USP8: variants seen among roughly 807,000 people sequenced by gnomAD.
USP8 encodes ubiquitin specific peptidase 8, also known as ubiquitin carboxyl-terminal hydrolase 8.
A neutral mutation model predicts 130.0 loss-of-function variants in USP8; 27 were observed. The observed-to-expected ratio is 0.21, with a 90% CI of 0.15 to 0.29. The LOEUF (loss-of-function observed/expected upper bound fraction) is 0.29, where lower values mean the gene tolerates loss of function less well. Ranked by LOEUF, USP8 falls within the 10% of genes least tolerant of loss-of-function variation. The pLI, the probability that USP8 is intolerant of heterozygous loss-of-function variation, is 1.00. For synonymous variants in USP8, 392 were observed against 444.1 expected (o/e 0.88, Z 1.48); for missense variants, 1,029 against 1,312.2 (o/e 0.78, Z 3.33).
intron 1 of USP8, among the ~76,000 whole-genome samples, chr15:50,438,439 C>G (rs1313722641): frequency 1.3e-5 from 2 of 152,124 alleles, no homozygotes; most frequent in African/African-American, 2.4e-5. Flanking sequence ...CAAAAACTAG[C>G]TGGGGGCATG....
In USP8 at chr15:50,431,004, A is replaced by G. The variant is rs2049912578; in HGVS notation, c.-66+6490A>G. 2.6e-5 allele frequency among the ~76,000 whole-genome samples: 4 copies of G among 152,348 alleles called. No individual in the cohort carries two copies. The South Asian group carries it at 6.2e-4, about 24-fold the overall frequency. Reference sequence around the variant, plus strand: ...AAACATCCTGCAGTGCACATTGCACAGAGCAGCCTCTCACAACAAATGTTT... The same window carrying G: ...AAACATCCTGCAGTGCACATTGCACGGAGCAGCCTCTCACAACAAATGTTT... On this transcript the variant is annotated intron_variant, in intron 1 of 19. Coordinates refer to ENST00000307179, the MANE Select transcript of USP8 (RefSeq NM_005154.5).
Position 50,509,693 on chromosome 15 carries a change from CG to C in USP8, c.*10606del, listed in dbSNP as rs1156385872. On this transcript the variant is annotated 3_prime_UTR_variant, in exon 20 of 20. Transcript: ENST00000307179. ...ATAAAATAAAAAAGAGACAAGTCAA[CG>C]ATAAAATTAAAAATGAAAAAACATG... The C allele has an allele frequency of 6.6e-6, 1 of 151,816 alleles. No individual in the cohort carries two copies. Among genetic ancestry groups the C allele is most frequent in the Non-Finnish European group, 1.5e-5 (1 of 67,950 alleles). The allele number at this position is 151,816 out of a possible 1,614,324, so 9.4% of individuals were successfully genotyped here.
Position 50,508,739 on chromosome 15 carries a change from T to A in USP8, c.*9651T>A. On this transcript the variant is annotated 3_prime_UTR_variant, in exon 20 of 20. Coordinates refer to ENST00000307179, the MANE Select transcript of USP8 (RefSeq NM_005154.5). The stretch of plus-strand genomic sequence containing the variant: ...TTAGCCTGCCACAGTGGTTCATGCC[T>A]ATAATCCCTGCACTTTGGGAGGCCA... 1 of 152,096 alleles carries A rather than the reference T, an allele frequency of 6.6e-6. No homozygotes were observed. The highest frequency in any genetic ancestry group is 1.5e-5 in the Non-Finnish European group (1 of 68,036). 9.4% of individuals were successfully genotyped at this position (152,096 alleles called of 1,614,324 possible). A position where few individuals can be genotyped will look rare whatever the true frequency, so the allele number is the denominator to read the frequency against.
At chr15:50,455,822 C>T (rs998703250) in intron 4 of USP8, among the ~76,000 whole-genome samples, 2 of 152,140 alleles carry the variant, frequency 1.3e-5, no homozygotes, top group Non-Finnish European at 2.9e-5. Flanking sequence ...TGCAGGTGTG[C>T]TTAATTCAGG....
chr15:50,478,379 C>A (rs1451507312), intron 10 of USP8, among the ~76,000 whole-genome samples: 2 of 152,086 alleles, frequency 1.3e-5, no homozygotes, highest in African/African-American at 4.8e-5. Context: ...CATGCATTTC[C>A]CAATAACATT....
At position 50,499,273 on chromosome 15, in the gene USP8, T is replaced by TAATC. The variant is rs1406516613; in HGVS notation, c.*187_*190dup. On this transcript the variant is annotated 3_prime_UTR_variant, in exon 20 of 20. Transcript: ENST00000307179. ...AAATAACATTTAACAAGTATTGCAG[T>TAATC]AATCATCACTTACAGGTACCATTTA... The TAATC allele has an allele frequency of 7.5e-5, 34 of 452,100 alleles. No homozygotes were observed. Among genetic ancestry groups the TAATC allele is most frequent in the Non-Finnish European group, 1.0e-4 (28 of 274,856 alleles). The allele number at this position is 452,100 out of a possible 1,614,324, so 28.0% of individuals were successfully genotyped here.
chr15:50,425,754 T>TTAA (rs1366276629), intron 1 of USP8, among the ~76,000 whole-genome samples: 1 of 152,230 alleles, frequency 6.6e-6, no homozygotes, highest in African/African-American at 2.4e-5. Flanking sequence ...CAAAAATGTT[T>TTAA]TAAAGGTGCC....
In USP8 at chr15:50,506,816, G is replaced by A. The variant is rs901847502; in HGVS notation, c.*7728G>A. 2.0e-5 allele frequency: 3 copies of A among 151,928 alleles called. No homozygotes were observed. The highest frequency in any genetic ancestry group is 7.3e-5 in the African/African-American group (3 of 41,270). The allele number at this position is 151,928 out of a possible 1,614,324, so 9.4% of individuals were successfully genotyped here. ...CTACAAAAATACAAAAAATTAGCCG[G>A]GCATGGTGGCAGGCGCCTATAGTCC... On this transcript the variant is annotated 3_prime_UTR_variant, in exon 20 of 20. Coordinates refer to ENST00000307179, the MANE Select transcript of USP8 (RefSeq NM_005154.5).
At chr15:50,429,767 A>T (rs1406674714) in intron 1 of USP8, among the ~76,000 whole-genome samples, 1 of 152,132 alleles carries the variant, frequency 6.6e-6, no homozygotes, top group African/African-American at 2.4e-5. Context: ...GAGCATCAAT[A>T]TTTTTTTAAA....
rs2052621405 is a variant in USP8 at position 50,503,738 on chromosome 15, C to T, written c.*4650C>T. 6.6e-6 allele frequency: 1 copy of T among 152,084 alleles called. No homozygotes were observed. Among genetic ancestry groups the T allele is most frequent in the African/African-American group, 2.4e-5 (1 of 41,404 alleles). 9.4% of individuals were successfully genotyped at this position (152,084 alleles called of 1,614,324 possible). On this transcript the variant is annotated 3_prime_UTR_variant, in exon 20 of 20. Transcript: ENST00000307179. ...ATGAAAAGTATTTCTAGGGCAGTTG[C>T]CAGAAGGAAACAGAATTTCTAGATT...
At chr15:50,484,452 C>G in intron 12 of USP8, 91 bp downstream of exon 12, 1 of 1,045,494 alleles carries the variant, frequency 9.6e-7, no homozygotes, top group Admixed American at 2.3e-5. Flanking sequence ...TATCTTTTAT[C>G]ATGAGATCTA....
intron 6 of USP8, chr15:50,463,320 G>A (rs1359417031): frequency 6.6e-6 from 1 of 152,156 alleles, no homozygotes; most frequent in African/African-American, 2.4e-5. Flanking sequence ...ACCTAAACAA[G>A]ACTTTGGAAT....
At chr15:50,494,606 G>T (rs1171871886) in intron 16 of USP8, among the ~76,000 whole-genome samples, 1 of 152,166 alleles carries the variant, frequency 6.6e-6, no homozygotes, top group Non-Finnish European at 1.5e-5. Context: ...CATTTTTATT[G>T]TATGTTATGT....
rs2052645428 is a variant in USP8, at chr15:50,505,430, C to A, written c.*6342C>A. 1 of 152,092 alleles carries A rather than the reference C, an allele frequency of 6.6e-6. No homozygotes were observed. Among genetic ancestry groups the A allele is most frequent in the Non-Finnish European group, 1.5e-5 (1 of 68,026 alleles). The allele number at this position is 152,092 out of a possible 1,614,324, so 9.4% of individuals were successfully genotyped here. On this transcript the variant is annotated 3_prime_UTR_variant, in exon 20 of 20. Transcript: ENST00000307179. The stretch of plus-strand genomic sequence containing the variant: ...CTGGAATTTGATTTCTAGTTATCAT[C>A]CAAGAATGAAAGTGAATTAAAGACT...
chr15:50,441,332 T>G lies in USP8; in HGVS notation c.105-17T>G. ...GATGTCAATTGCTTTAATTATTATT[T>G]TTTCTCTAATTTTAAGTTATGTGCA... is the stretch of plus-strand genomic sequence containing the variant. On this transcript the variant is annotated splice_polypyrimidine_tract_variant and intron_variant, in intron 2 of 19. Coordinates refer to ENST00000307179, the MANE Select transcript of USP8 (RefSeq NM_005154.5). The G allele has an allele frequency of 1.9e-6, 3 of 1,569,546 alleles. No individual in the cohort carries two copies. The highest frequency in any genetic ancestry group is 2.6e-6 in the Non-Finnish European group (3 of 1,168,076).
intron 3 of USP8, among the ~76,000 whole-genome samples, chr15:50,442,792 A>T (rs2050303944): frequency 6.6e-6 from 1 of 152,114 alleles, no homozygotes; most frequent in African/African-American, 2.4e-5. Context: ...AATATGAAGA[A>T]TGTAGAGGTT....
intron 1 of USP8, among the ~76,000 whole-genome samples, chr15:50,436,667 T>C (rs2050101750): frequency 6.6e-6 from 1 of 151,750 alleles, no homozygotes; most frequent in Admixed American, 6.6e-5. Flanking sequence ...CCAGCTAATT[T>C]TTTTTGTTTG....
intron 13 of USP8, 30 bp downstream of exon 13, chr15:50,489,911 C>T (rs775576896): frequency 2.0e-6 from 3 of 1,485,984 alleles, no homozygotes; most frequent in East Asian, 2.4e-5. Context: ...GTAAAATAGC[C>T]ACTGTGTTCC....
chr15:50,484,506 C>T, intron 12 of USP8, 145 bp downstream of exon 12: 2 of 631,058 alleles, frequency 3.2e-6, no homozygotes, highest in Non-Finnish European at 5.3e-6. Context: ...TGGTGTTTTG[C>T]TTGTTTTTGC....
Sources: gnomAD v4.1 joint callset for allele counts (sites outside exome capture counted in the v4.1 genomes callset) on GRCh38, gnomAD v4.1.1 for gene constraint, MANE v1.5 for transcripts, NCBI Gene and HGNC (gene_info 2026-07-23, HGNC 2026-07-21) for gene names.